The following ADAM10 variants were observed in gnomAD, a reference collection of about 807,000 sequenced individuals.
ADAM10 encodes disintegrin and metalloproteinase domain-containing protein 10.
ADAM10 carries 17 observed loss-of-function variants against 90.1 expected under a neutral mutation model. The observed-to-expected ratio is 0.19, with a 90% confidence interval of 0.13 to 0.28. The LOEUF is 0.28. Among genes scored for constraint, ADAM10 ranks in the 10% least tolerant of loss-of-function variants. The pLI is 1.00. For synonymous variants in ADAM10, 310 were observed against 298.6 expected, an observed-to-expected ratio of 1.04 and a Z score of -0.40; for missense variants, 610 against 914.3, an observed-to-expected ratio of 0.67 and a Z score of 4.29.
At position 58,629,878 on chromosome 15, in the gene ADAM10, G is replaced by A. The variant is rs553019697; in HGVS notation, c.1177-1995C>T. ...ACCTTGGACTCAAGTCATCCTCCCC[G>A]ACCTTAGCTTCTCGAGTAGCTGGGA... On this transcript the variant is annotated intron_variant, in intron 9 of 15. Transcript: ENST00000260408. Among the ~76,000 whole-genome samples the A allele has an allele frequency of 2.9e-4, 44 of 151,944 alleles. 3 individuals are homozygous for A. The South Asian group carries it at 7.7e-3, about 27-fold the overall frequency.
intron 4 of ADAM10, among the ~76,000 whole-genome samples, chr15:58,667,633 A>C (rs1351367578): frequency 6.6e-6 from 1 of 152,150 alleles, no homozygotes; most frequent in Non-Finnish European, 1.5e-5. Flanking sequence ...ATTATGCATA[A>C]AAATTATTTT....
chr15:58,727,259 C>T (rs1217576836), intron 1 of ADAM10, among the ~76,000 whole-genome samples: 3 of 147,184 alleles, frequency 2.0e-5, no homozygotes, highest in Non-Finnish European at 3.0e-5. Flanking sequence ...GGCGCAATCT[C>T]GGCTCACTGC....
At chr15:58,689,352 G>A (rs998293204) in intron 2 of ADAM10, among the ~76,000 whole-genome samples, 5 of 152,294 alleles carry the variant, frequency 3.3e-5, no homozygotes, top group Non-Finnish European at 7.3e-5. Context: ...CGGGCATGGT[G>A]GTGTGCATCT....
At chr15:58,714,780 T>C (rs1345075512) in intron 2 of ADAM10, among the ~76,000 whole-genome samples, 1 of 152,004 alleles carries the variant, frequency 6.6e-6, no homozygotes, top group Non-Finnish European at 1.5e-5. Flanking sequence ...TAATAAATAA[T>C]TTATATACAG....
intron 2 of ADAM10, chr15:58,691,137 G>A (rs779065333): frequency 1.0e-5 from 7 of 691,644 alleles, no homozygotes; most frequent in Admixed American, 1.8e-5. Flanking sequence ...GCGGCAGGGT[G>A]AAGACACAAG....
At chr15:58,647,248 A>ATTTTTTTTGTT (rs1896572643) in intron 5 of ADAM10, among the ~76,000 whole-genome samples, 1 of 59,602 alleles carries the variant, frequency 1.7e-5, no homozygotes, top group African/African-American at 5.4e-5. Flanking sequence ...GACACTAAGT[A>ATTTTTTTTGTT]TTTTTTTTTT....
At chr15:58,612,054 A>G in intron 11 of ADAM10, 63 bp from the exon 12 acceptor site, 2 of 1,445,398 alleles carry the variant, frequency 1.4e-6, no homozygotes, top group Non-Finnish European at 1.9e-6. Context: ...ATACTATTAG[A>G]TATTAGATTA....
chr15:58,615,790 C>G (rs1895592396), intron 11 of ADAM10, among the ~76,000 whole-genome samples: 1 of 151,986 alleles, frequency 6.6e-6, no homozygotes, highest in South Asian at 2.1e-4. Context: ...GGCAGATCAC[C>G]TGAGGTCAGG....
intron 1 of ADAM10, among the ~76,000 whole-genome samples, chr15:58,744,164 T>C (rs561918306): frequency 1.3e-4 from 20 of 151,940 alleles, no homozygotes; most frequent in African/African-American, 4.6e-4. Context: ...TACCACATCA[T>C]TCCAACTGTT....
At chr15:58,742,745 T>C (rs1899655958) in intron 1 of ADAM10, among the ~76,000 whole-genome samples, 1 of 152,334 alleles carries the variant, frequency 6.6e-6, no homozygotes, top group Non-Finnish European at 1.5e-5. Context: ...ACAGCTAGAC[T>C]ACTTAGAATT....
Position 58,659,690 on chromosome 15 carries a change from T to G in ADAM10, c.585+5407A>C, listed in dbSNP as rs182478331. Among the ~76,000 whole-genome samples the G allele has an allele frequency of 6.6e-5, 10 of 152,342 alleles. No individual in the cohort carries two copies. The East Asian group carries it at 1.9e-3, about 29-fold the overall frequency. ...TTTCTTGTAATGTCTCTGGTATGAC[T>G]ATCAAAGTAACACTGCCCTCATAAA... On this transcript the variant is annotated intron_variant, in intron 5 of 15. Coordinates refer to ENST00000260408, the MANE Select transcript of ADAM10 (RefSeq NM_001110.4).
intron 1 of ADAM10, among the ~76,000 whole-genome samples, chr15:58,730,144 T>C (rs1899189186): frequency 6.6e-6 from 1 of 152,218 alleles, no homozygotes; most frequent in African/African-American, 2.4e-5. Context: ...ACTCAACCTG[T>C]ATATCCTTAT....
chr15:58,659,599 T>C (rs1896920417), intron 5 of ADAM10, among the ~76,000 whole-genome samples: 2 of 151,910 alleles, frequency 1.3e-5, no homozygotes, highest in African/African-American at 4.9e-5. Context: ...TTGCTGGATT[T>C]CACTTGCTAA....
At position 58,594,798 on chromosome 15, in the gene ADAM10, T is replaced by C. The variant is rs2140982120; in HGVS notation, c.*2749A>G. On this transcript the variant is annotated 3_prime_UTR_variant, in exon 16 of 16. Coordinates refer to ENST00000260408, the MANE Select transcript of ADAM10 (RefSeq NM_001110.4). ...CAATCAATATTGAGAGTTTCATAAA[T>C]AACTAAACATAATATACATTTGATG... 1 of 152,268 alleles carries C rather than the reference T, an allele frequency of 6.6e-6. No homozygotes were observed. Among genetic ancestry groups the C allele is most frequent in the East Asian group, 1.9e-4 (1 of 5,184 alleles). The allele number at this position is 152,268 out of a possible 1,614,324, so 9.4% of individuals were successfully genotyped here.
At chr15:58,720,399 ATTTTATTTT>A (rs1898810392) in intron 1 of ADAM10, among the ~76,000 whole-genome samples, 1 of 25,984 alleles carries the variant, frequency 3.8e-5, no homozygotes, top group African/African-American at 7.1e-5. Context: ...ATTTTATTTT[ATTTTATTTT>A]TTTTTTTTTT....
chr15:58,637,288 T>C (rs1478402871), intron 8 of ADAM10, among the ~76,000 whole-genome samples: 2 of 152,186 alleles, frequency 1.3e-5, no homozygotes, highest in Non-Finnish European at 2.9e-5. Flanking sequence ...GGACTAACTG[T>C]AGAGATGAAT....
At chr15:58,743,196 TGGCGGGG>T (rs1899671749) in intron 1 of ADAM10, among the ~76,000 whole-genome samples, 1 of 152,032 alleles carries the variant, frequency 6.6e-6, no homozygotes, top group South Asian at 2.1e-4. Context: ...TGGGCTTCGG[TGGCGGGG>T]GGCGGGGGTT....
chr15:58,717,683 C>T lies in ADAM10; in HGVS notation c.100G>A (p.Gly34Arg). 6.2e-7 allele frequency: 1 copy of T among 1,613,420 alleles called. No individual in the cohort carries two copies. The highest frequency in any genetic ancestry group is 8.5e-7 in the Non-Finnish European group (1 of 1,179,806). ...PLNKYIRHYE[G>R]LSYNVDSLHQ... Reference sequence around the variant, plus strand: ...AATGAATCCACATTGTAAGATAATCCTTCATAATGTCTGATATATTTATTT... The same window carrying T: ...AATGAATCCACATTGTAAGATAATCTTTCATAATGTCTGATATATTTATTT... Residue 34 changes from glycine to arginine, a missense_variant, in exon 2 of 16, where the codon GGA becomes AGA. Gly to Arg is a moderately radical substitution (Grantham distance 125). Transcript: ENST00000260408.
In ADAM10 at chr15:58,592,848, C is replaced by G. The variant is rs183018915; in HGVS notation, c.*4699G>C. 1.3e-5 allele frequency: 2 copies of G among 150,316 alleles called. No individual in the cohort carries two copies. The highest frequency in any genetic ancestry group is 1.5e-5 in the Non-Finnish European group (1 of 67,668). 9.3% of individuals were successfully genotyped at this position (150,316 alleles called of 1,614,324 possible). A position where few individuals can be genotyped will look rare whatever the true frequency, so the allele number is the denominator to read the frequency against. The stretch of plus-strand genomic sequence containing the variant: ...ATTTTTATCAATGTCCCTCAAAAAA[C>G]CTTTACCCCAACAATTCCACTTTTA... On this transcript the variant is annotated 3_prime_UTR_variant, in exon 16 of 16. Transcript: ENST00000260408.
Sources: gnomAD v4.1 joint callset for allele counts (sites outside exome capture counted in the v4.1 genomes callset) on GRCh38, gnomAD v4.1.1 for gene constraint, MANE v1.5 for transcripts, NCBI Gene and HGNC (gene_info 2026-07-23, HGNC 2026-07-21) for gene names.